The following AKT3 variants were observed in gnomAD, a reference collection of about 807,000 sequenced individuals.
AKT3 encodes RAC-gamma serine/threonine-protein kinase.
In AKT3, 15 loss-of-function variants were observed where a neutral mutation model predicts 65.3. That is an observed-to-expected ratio of 0.23 (90% CI 0.15 to 0.35). The LOEUF is 0.35. Ranked by LOEUF, AKT3 falls within the 10% of genes least tolerant of loss-of-function variation. The probability of loss-of-function intolerance (pLI) is 1.00; values close to 1 mark genes in which losing one functional copy is unlikely to be tolerated. For missense variants in AKT3, 243 were observed against 576.5 expected (o/e 0.42, Z 5.92); for synonymous variants, 206 against 183.8 (o/e 1.12, Z -0.98).
rs1426891340 is a variant in AKT3 at position 243,654,014 on chromosome 1, CTTT to C, written c.285-7980_285-7978del. On this transcript the variant is annotated intron_variant, in intron 4 of 13. Transcript: ENST00000673466. ...ATTTTCCTGTTGGCTTTTCAGTCGT[CTTT>C]TTTTGCAATTATTTTTATATATATC... 5.3e-5 allele frequency among the ~76,000 whole-genome samples: 8 copies of C among 151,918 alleles called. No individual in the cohort carries two copies. The East Asian group carries it at 1.5e-3, about 29-fold the overall frequency.
intron 2 of AKT3, among the ~76,000 whole-genome samples, chr1:243,773,191 A>T (rs992380527): frequency 4.1e-5 from 6 of 147,160 alleles, no homozygotes; most frequent in African/African-American, 1.5e-4. Context: ...TATAATAAAA[A>T]CATATATATA....
rs369554681 is a variant in AKT3 at position 243,832,308 on chromosome 1, G to A, written c.46+10817C>T. Among the ~76,000 whole-genome samples, 16 of 152,068 alleles carry A rather than the reference G, an allele frequency of 1.1e-4. No individual in the cohort carries two copies. In the East Asian group the frequency reaches 1.7e-3, roughly 17 times the overall value. ...ATAACTTGTAGTACTCATAATTTCT[G>A]ATAAATTTTTATAAACTGTACTCCT... On this transcript the variant is annotated intron_variant, in intron 2 of 13. Transcript: ENST00000673466.
At chr1:243,584,339 A>G (rs1675638001) in intron 8 of AKT3, among the ~76,000 whole-genome samples, 1 of 152,178 alleles carries the variant, frequency 6.6e-6, no homozygotes, top group African/African-American at 2.4e-5. Context: ...TACCAACCAA[A>G]AAAGTCCCAA....
intron 8 of AKT3, among the ~76,000 whole-genome samples, chr1:243,583,195 T>TATATATATATATATACATAC (rs759291565): frequency 1.1e-5 from 1 of 88,326 alleles, no homozygotes; most frequent in African/African-American, 5.1e-5. Context: ...TATATATATA[T>TATATATATATATATACATAC]ACACACACAC....
At chr1:243,779,628 G>C (rs1375482734) in intron 2 of AKT3, among the ~76,000 whole-genome samples, 2 of 152,032 alleles carry the variant, frequency 1.3e-5, no homozygotes, top group Non-Finnish European at 2.9e-5. Context: ...TGCAAAAATA[G>C]AATGGATCAG....
At chr1:243,622,981 G>A (rs1420215508) in intron 6 of AKT3, among the ~76,000 whole-genome samples, 1 of 152,160 alleles carries the variant, frequency 6.6e-6, no homozygotes, top group Non-Finnish European at 1.5e-5. Context: ...TCAGGCCTGG[G>A]TTGCCCAAAC....
chr1:243,671,491 T>C (rs1272917561), intron 3 of AKT3, among the ~76,000 whole-genome samples: 1 of 152,228 alleles, frequency 6.6e-6, no homozygotes, highest in African/African-American at 2.4e-5. Context: ...CCATGGAGGT[T>C]CTCTGAAGGG....
intron 4 of AKT3, among the ~76,000 whole-genome samples, chr1:243,652,029 T>C (rs1210873714): frequency 6.8e-6 from 1 of 147,614 alleles, no homozygotes; most frequent in Non-Finnish European, 1.5e-5. Flanking sequence ...ATACTCAACA[T>C]CCTTAGAGAA....
At chr1:243,839,818 C>T (rs1350436772) in intron 2 of AKT3, among the ~76,000 whole-genome samples, 9 of 147,384 alleles carry the variant, frequency 6.1e-5, no homozygotes, top group Non-Finnish European at 1.3e-4. Flanking sequence ...TTTATTATAT[C>T]AATTTTTTGT....
chr1:243,672,718 T>A (rs1211421033), intron 3 of AKT3, among the ~76,000 whole-genome samples: 1 of 152,246 alleles, frequency 6.6e-6, no homozygotes, highest in African/African-American at 2.4e-5. Flanking sequence ...GAACTTCTCC[T>A]AACACATTTT....
At chr1:243,623,382 G>C (rs553495263) in intron 6 of AKT3, among the ~76,000 whole-genome samples, 1 of 152,282 alleles carries the variant, frequency 6.6e-6, no homozygotes, top group East Asian at 1.9e-4. Flanking sequence ...CTGGATTAAG[G>C]AATACCTAGA....
intron 12 of AKT3, among the ~76,000 whole-genome samples, chr1:243,513,773 G>A (rs904404348): frequency 1.2e-4 from 19 of 152,134 alleles, no homozygotes. Flanking sequence ...GCTGGTAATG[G>A]CGACTAATCC....
chr1:243,533,691 G>A (rs1474381591), intron 12 of AKT3, among the ~76,000 whole-genome samples: 1 of 152,134 alleles, frequency 6.6e-6, no homozygotes, highest in South Asian at 2.1e-4. Context: ...AAGGGCAATG[G>A]ATAAAAAACT....
chr1:243,607,700 GAT>G (rs1677532383), intron 8 of AKT3, among the ~76,000 whole-genome samples: 1 of 152,118 alleles, frequency 6.6e-6, no homozygotes, highest in Non-Finnish European at 1.5e-5. Context: ...GAAATGTGAG[GAT>G]ATGAGATTTG....
chr1:243,534,111 A>G (rs1478071796), intron 12 of AKT3, among the ~76,000 whole-genome samples: 1 of 152,256 alleles, frequency 6.6e-6, no homozygotes, highest in African/African-American at 2.4e-5. Context: ...AGATAAAAAA[A>G]ACAAGATCTA....
At chr1:243,706,547 T>A (rs1009915877) in intron 2 of AKT3, among the ~76,000 whole-genome samples, 32 of 152,278 alleles carry the variant, frequency 2.1e-4, no homozygotes, top group Non-Finnish European at 4.6e-4. Context: ...CTAAGAAAAG[T>A]CTAGTAGTAT....
At chr1:243,809,414 T>C (rs375153491) in intron 2 of AKT3, among the ~76,000 whole-genome samples, 2 of 151,684 alleles carry the variant, frequency 1.3e-5, no homozygotes, top group East Asian at 1.9e-4. Flanking sequence ...TTTAAACCAA[T>C]AAAGATCAAA....
intron 2 of AKT3, among the ~76,000 whole-genome samples, chr1:243,756,055 CCT>C (rs1365131722): frequency 3.9e-5 from 6 of 152,102 alleles, no homozygotes; most frequent in Non-Finnish European, 7.4e-5. Flanking sequence ...TAACTGAACC[CCT>C]GTTTCTCACT....
chr1:243,701,961 T>A (rs1365613464), intron 2 of AKT3, among the ~76,000 whole-genome samples: 2 of 152,032 alleles, frequency 1.3e-5, no homozygotes, highest in African/African-American at 4.8e-5. Flanking sequence ...AGTCACAAAG[T>A]TTTTACCATG....
Sources: gnomAD v4.1 joint callset for allele counts (sites outside exome capture counted in the v4.1 genomes callset) on GRCh38, gnomAD v4.1.1 for gene constraint, MANE v1.5 for transcripts, NCBI Gene and HGNC (gene_info 2026-07-23, HGNC 2026-07-21) for gene names.